SGK1: variants seen among roughly 807,000 people sequenced by gnomAD.
SGK1 encodes the protein serum/glucocorticoid regulated kinase 1.
In SGK1, 26 loss-of-function variants were observed where a neutral mutation model predicts 64.2. That is an observed-to-expected ratio of 0.40 (90% CI 0.30 to 0.56). SGK1 has a LOEUF of 0.56. SGK1 is among the 20% of genes least tolerant of loss of function. SGK1 has a pLI of 0.38. For synonymous variants in SGK1, 265 were observed against 239.7 expected (o/e 1.11, Z -0.98); for missense variants, 519 against 645.6 (o/e 0.80, Z 2.12).
chr6:134,198,726 A>ATTTCTTTTTTTTTT (rs1775633413), intron 3 of SGK1, among the ~76,000 whole-genome samples: 1 of 101,780 alleles, frequency 9.8e-6, no homozygotes, highest in African/African-American at 3.7e-5. Flanking sequence ...CTCTTTTTCT[A>ATTTCTTTTTTTTTT]TTTTTTTTTT....
At chr6:134,256,635 C>G (rs1050908333) in intron 2 of SGK1, among the ~76,000 whole-genome samples, 1 of 152,140 alleles carries the variant, frequency 6.6e-6, no homozygotes, top group African/African-American at 2.4e-5. Flanking sequence ...GTCTCCATCT[C>G]TTTGTGGCCT....
At chr6:134,296,037 C>T (rs1777342349) in intron 1 of SGK1, among the ~76,000 whole-genome samples, 1 of 152,190 alleles carries the variant, frequency 6.6e-6, no homozygotes, top group African/African-American at 2.4e-5. Flanking sequence ...ATAGAATGCT[C>T]AGCGAAAAAC....
chr6:134,263,178 A>G (rs1266392340), intron 1 of SGK1, among the ~76,000 whole-genome samples: 2 of 152,208 alleles, frequency 1.3e-5, no homozygotes, highest in Admixed American at 1.3e-4. Context: ...TATTCTTACA[A>G]GGGAAAATAC....
At position 134,317,607 on chromosome 6, in the gene SGK1, G is replaced by T. The variant is rs1777706884; in HGVS notation, c.-147C>A. 2 of 676,154 alleles carry T rather than the reference G, an allele frequency of 3.0e-6. No homozygotes were observed. Among genetic ancestry groups the T allele is most frequent in the African/African-American group, 1.8e-5 (1 of 56,226 alleles). 41.9% of individuals were successfully genotyped at this position (676,154 alleles called of 1,614,324 possible). A position where few individuals can be genotyped will look rare whatever the true frequency, so the allele number is the denominator to read the frequency against. On this transcript the variant is annotated 5_prime_UTR_variant, in exon 1 of 14. Coordinates refer to ENST00000367858, the MANE Select transcript of SGK1 (RefSeq NM_001143676.3). ...TAGCGGGGCTCAGTTCTTCACTCGC[G>T]CATTCTGCAGCACCAGCTACTGCAG...
rs912309182 is a variant in SGK1, at chr6:134,271,904, C to T, written c.70-9756G>A. On this transcript the variant is annotated intron_variant, in intron 1 of 13. Transcript: ENST00000367858. ...TTGCCTAGGCTGGAGTGCAGTGATG[C>T]GATCTTGGCTCACTGCAACCTCCAC... 9.2e-5 allele frequency among the ~76,000 whole-genome samples: 13 copies of T among 141,014 alleles called. 1 individual carries two copies. The highest frequency in any genetic ancestry group is 2.6e-4 in the African/African-American group (10 of 38,944). 92.5% of individuals were successfully genotyped at this position (141,014 alleles called of 152,430 possible). A position where few individuals can be genotyped will look rare whatever the true frequency, so the allele number is the denominator to read the frequency against.
intron 2 of SGK1, among the ~76,000 whole-genome samples, chr6:134,214,090 A>ATTT (rs919851703): frequency 5.3e-4 from 80 of 151,026 alleles, no homozygotes; most frequent in Middle Eastern, 3.5e-3. Flanking sequence ...ATTAAAAAAA[A>ATTT]TTTTTTTTTT....
intron 9 of SGK1, 164 bp downstream of exon 9, chr6:134,172,498 G>C: frequency 1.3e-6 from 1 of 794,412 alleles, no homozygotes; most frequent in South Asian, 1.8e-5. Context: ...CTACTTGGCT[G>C]GTTCCCCCTT....
chr6:134,298,640 G>A, intron 1 of SGK1: 2 of 1,328,140 alleles, frequency 1.5e-6, no homozygotes, highest in South Asian at 1.2e-5. Context: ...GGCTGCTGAA[G>A]GCCCGGGGGC....
chr6:134,292,892 G>A (rs186919835), intron 1 of SGK1, among the ~76,000 whole-genome samples: 97 of 152,316 alleles, frequency 6.4e-4, no homozygotes, highest in African/African-American at 2.3e-3. Context: ...TGATCAAAAT[G>A]TCAGAGTTCT....
chr6:134,211,200 A>G (rs868735666), intron 2 of SGK1, among the ~76,000 whole-genome samples: 5 of 152,294 alleles, frequency 3.3e-5, no homozygotes, highest in African/African-American at 1.2e-4. Context: ...TCTAGAATAG[A>G]TTGCCATCCT....
At chr6:134,259,284 T>C (rs1220358641) in intron 2 of SGK1, among the ~76,000 whole-genome samples, 1 of 152,138 alleles carries the variant, frequency 6.6e-6, no homozygotes, top group African/African-American at 2.4e-5. Flanking sequence ...GTGCTCTGTA[T>C]AGGATATGTA....
intron 1 of SGK1, among the ~76,000 whole-genome samples, chr6:134,287,214 C>T (rs1411170045): frequency 3.3e-5 from 5 of 152,176 alleles, no homozygotes; most frequent in African/African-American, 4.8e-5. Context: ...TCAAATGATC[C>T]ACCTGCCTCG....
chr6:134,269,613 G>A (rs1205612893), intron 1 of SGK1, among the ~76,000 whole-genome samples: 2 of 144,870 alleles, frequency 1.4e-5, no homozygotes. Flanking sequence ...AGCCAAGATC[G>A]TGCCACTGCA....
At chr6:134,241,745 C>G (rs112180014) in intron 2 of SGK1, among the ~76,000 whole-genome samples, 2,504 of 152,154 alleles carry the variant, frequency 0.016, 30 homozygotes, top group Middle Eastern at 0.037. Context: ...CTCAGCCTCC[C>G]GAGTAGCTGG....
chr6:134,232,425 A>AAGAAAGAAAGAAAGAAAGAAAG, intron 2 of SGK1, among the ~76,000 whole-genome samples: 1 of 42,044 alleles, frequency 2.4e-5, no homozygotes, highest in Middle Eastern at 0.011. Flanking sequence ...GAAAGAAAGA[A>AAGAAAGAAAGAAAGAAAGAAAG]AGAAAGAAAG....
chr6:134,227,445 G>A (rs1776202504), intron 2 of SGK1, among the ~76,000 whole-genome samples: 1 of 152,068 alleles, frequency 6.6e-6, no homozygotes, highest in Non-Finnish European at 1.5e-5. Context: ...TGGCATGTAT[G>A]TCTTTTCTAA....
chr6:134,222,156 C>A (rs567429292), intron 2 of SGK1, among the ~76,000 whole-genome samples: 12 of 152,128 alleles, frequency 7.9e-5, no homozygotes, highest in African/African-American at 2.9e-4. Flanking sequence ...GGTGGGGTTA[C>A]CTCAGAGTAG....
chr6:134,232,407 AAGAAAG>A (rs1207828118), intron 2 of SGK1, among the ~76,000 whole-genome samples: 6 of 20,738 alleles, frequency 2.9e-4, no homozygotes, highest in African/African-American at 8.2e-4. Context: ...AAGAAAAAGA[AAGAAAG>A]AGAAAGAAAG....
intron 3 of SGK1, among the ~76,000 whole-genome samples, chr6:134,201,516 C>T (rs1562248651): frequency 6.6e-6 from 1 of 152,034 alleles, no homozygotes; most frequent in Non-Finnish European, 1.5e-5. Flanking sequence ...CAGACACCAC[C>T]AGGCCTAGCT....
Sources: allele counts gnomAD v4.1 joint callset (sites outside exome capture counted in the v4.1 genomes callset), GRCh38; gene constraint gnomAD v4.1.1; transcripts MANE v1.5; gene names NCBI Gene and HGNC (gene_info 2026-07-23, HGNC 2026-07-21).